PDE4B: variants seen among roughly 807,000 people sequenced by gnomAD.
PDE4B encodes the protein 3',5'-cyclic-AMP phosphodiesterase 4B.
PDE4B carries 20 observed loss-of-function variants against 82.2 expected under a neutral mutation model. That is an observed-to-expected ratio of 0.24 (90% CI 0.17 to 0.35). PDE4B has a LOEUF of 0.35. Ranked by LOEUF, PDE4B falls within the 10% of genes least tolerant of loss-of-function variation. The pLI is 1.00. For synonymous variants in PDE4B, 320 were observed against 318.9 expected (o/e 1.00, Z -0.04); for missense variants, 655 against 907.2 (o/e 0.72, Z 3.57).
chr1:65,922,833 T>C (rs1341284401), intron 3 of PDE4B, among the ~76,000 whole-genome samples: 1 of 152,192 alleles, frequency 6.6e-6, no homozygotes, highest in Non-Finnish European at 1.5e-5. Context: ...GCAAGACATA[T>C]CAAACATTTC....
chr1:66,297,708 C>A (rs1657611180), intron 7 of PDE4B, among the ~76,000 whole-genome samples: 2 of 152,018 alleles, frequency 1.3e-5, no homozygotes, highest in Non-Finnish European at 2.9e-5. Flanking sequence ...AGGACTCTGC[C>A]CCTTAAAGGT....
intron 3 of PDE4B, among the ~76,000 whole-genome samples, chr1:66,162,275 G>GT (rs1440347156): frequency 1.5e-5 from 2 of 135,440 alleles, no homozygotes. Context: ...GATTTCATAG[G>GT]CCCTTTGGTG....
At chr1:65,835,554 C>T (rs1286173966) in intron 1 of PDE4B, among the ~76,000 whole-genome samples, 1 of 152,172 alleles carries the variant, frequency 6.6e-6, no homozygotes, top group East Asian at 1.9e-4. Flanking sequence ...CAAATCCAAC[C>T]ATCTTGAGTA....
At chr1:66,369,557 GA>G (rs1483489334) in intron 16 of PDE4B, among the ~76,000 whole-genome samples, 11 of 152,322 alleles carry the variant, frequency 7.2e-5, no homozygotes, top group Middle Eastern at 6.8e-3. Context: ...GGTGAATACA[GA>G]AATGTCCAGA....
chr1:66,224,427 A>C (rs1175073986), intron 3 of PDE4B, among the ~76,000 whole-genome samples: 1 of 152,140 alleles, frequency 6.6e-6, no homozygotes. Flanking sequence ...CTGGAGAAAA[A>C]TAGTCAAGCA....
At chr1:66,342,436 G>A (rs968147348) in intron 8 of PDE4B, among the ~76,000 whole-genome samples, 2 of 151,574 alleles carry the variant, frequency 1.3e-5, no homozygotes, top group African/African-American at 4.8e-5. Context: ...GTGACTGGGC[G>A]CAGTGGCTCA....
intron 8 of PDE4B, 82 bp from the exon 9 acceptor site, chr1:66,355,445 C>A: frequency 1.2e-6 from 1 of 827,188 alleles, no homozygotes; most frequent in Non-Finnish European, 2.0e-6. Flanking sequence ...CTCTTGATTC[C>A]TGGACAGTAA....
At chr1:66,090,621 A>ATATATGTG in intron 3 of PDE4B, among the ~76,000 whole-genome samples, 3 of 122,732 alleles carry the variant, frequency 2.4e-5, no homozygotes, top group African/African-American at 1.2e-4. Context: ...TATATAATAT[A>ATATATGTG]TGTGTGTGTG....
At chr1:66,308,277 C>T (rs1231852231) in intron 7 of PDE4B, among the ~76,000 whole-genome samples, 2 of 152,102 alleles carry the variant, frequency 1.3e-5, no homozygotes, top group Non-Finnish European at 2.9e-5. Flanking sequence ...GAGGAAGAAT[C>T]AAAATGCTGG....
chr1:66,170,992 C>T (rs1646826599), intron 3 of PDE4B, among the ~76,000 whole-genome samples: 1 of 152,112 alleles, frequency 6.6e-6, no homozygotes, highest in Non-Finnish European at 1.5e-5. Flanking sequence ...GAGCAGAAAT[C>T]GTGGCTGGCA....
intron 3 of PDE4B, among the ~76,000 whole-genome samples, chr1:66,147,058 G>A (rs1646289300): frequency 2.0e-5 from 3 of 152,178 alleles, no homozygotes; most frequent in Admixed American, 2.0e-4. Flanking sequence ...CAAATAGGTT[G>A]ACAGCATGTG....
chr1:66,201,992 A>C (rs568283952), intron 3 of PDE4B, among the ~76,000 whole-genome samples: 1 of 152,290 alleles, frequency 6.6e-6, no homozygotes, highest in South Asian at 2.1e-4. Context: ...TTAGTGCTAT[A>C]AATTTCCCTC....
At chr1:66,117,601 G>T (rs1248321264) in intron 3 of PDE4B, among the ~76,000 whole-genome samples, 9 of 151,348 alleles carry the variant, frequency 5.9e-5, no homozygotes, top group Non-Finnish European at 1.2e-4. Flanking sequence ...AAGTATTTTT[G>T]TATGTTCCTC....
At chr1:66,325,470 A>G (rs74701302) in intron 7 of PDE4B, among the ~76,000 whole-genome samples, 1,679 of 152,268 alleles carry the variant, frequency 0.011, 27 homozygotes, top group African/African-American at 0.038. Context: ...TGCTCAGTGT[A>G]CTTTTGCTGA....
intron 3 of PDE4B, among the ~76,000 whole-genome samples, chr1:66,060,865 T>G (rs1370495313): frequency 6.6e-6 from 1 of 151,904 alleles, no homozygotes; most frequent in Non-Finnish European, 1.5e-5. Flanking sequence ...CACTCCTGCT[T>G]GGTCCTTCTC....
chr1:66,363,699 C>A, intron 12 of PDE4B, 128 bp downstream of exon 12: 1 of 680,098 alleles, frequency 1.5e-6, no homozygotes, highest in Non-Finnish European at 2.4e-6. Flanking sequence ...ATTGCTTGAG[C>A]CCAGGGGTTC....
chr1:66,163,178 A>G (rs1394299384), intron 3 of PDE4B, among the ~76,000 whole-genome samples: 1 of 152,204 alleles, frequency 6.6e-6, no homozygotes, highest in Non-Finnish European at 1.5e-5. Flanking sequence ...GCAGAATGGA[A>G]TTAACAATAC....
At chr1:66,200,357 C>A (rs368187642) in intron 3 of PDE4B, among the ~76,000 whole-genome samples, 27 of 152,046 alleles carry the variant, frequency 1.8e-4, no homozygotes, top group South Asian at 4.2e-4. Context: ...ATGAACTTTA[C>A]AGTAGTTTTT....
At chr1:66,365,573 C>CG in intron 12 of PDE4B, 94 bp from the exon 13 acceptor site, 1 of 616,616 alleles carries the variant, frequency 1.6e-6, no homozygotes, top group Non-Finnish European at 2.9e-6. Context: ...ATCCCTCTCC[C>CG]AACAAGAATA....
Sources: allele counts gnomAD v4.1 joint callset (sites outside exome capture counted in the v4.1 genomes callset), GRCh38; gene constraint gnomAD v4.1.1; transcripts MANE v1.5; gene names NCBI Gene and HGNC (gene_info 2026-07-23, HGNC 2026-07-21).